NRG1: variants seen among roughly 807,000 people sequenced by gnomAD.
The protein encoded by NRG1 is neuregulin 1, also known as pro-neuregulin-1, membrane-bound isoform.
In NRG1, 18 loss-of-function variants were observed where a neutral mutation model predicts 63.8. The observed-to-expected ratio is 0.28, with a 90% CI of 0.19 to 0.42. The LOEUF (loss-of-function observed/expected upper bound fraction) is 0.42. Ranked by LOEUF, NRG1 falls within the 10% of genes least tolerant of loss-of-function variation. NRG1 has a pLI of 1.00. For missense variants in NRG1, 762 were observed against 814.7 expected (o/e 0.94, Z 0.79); for synonymous variants, 302 against 301.3 (o/e 1.00, Z -0.02).
In NRG1 at chr8:32,073,301, G is replaced by C. The variant is rs78431288; in HGVS notation, c.37+433870G>C. Among the ~76,000 whole-genome samples, 5 of 152,096 alleles carry C rather than the reference G, an allele frequency of 3.3e-5. No homozygotes were observed. The East Asian group carries it at 9.6e-4, about 29-fold the overall frequency. On this transcript the variant is annotated intron_variant, in intron 1 of 10. Transcript: ENST00000519301. Reference sequence around the variant, plus strand: ...ACAGAGCTTTATAGGATTTCATTTCGGGTTAATAAGGGGAAGTTGGAACCG... The same window carrying C: ...ACAGAGCTTTATAGGATTTCATTTCCGGTTAATAAGGGGAAGTTGGAACCG...
At chr8:32,575,641 T>C (rs905255109) in intron 1 of NRG1, among the ~76,000 whole-genome samples, 7 of 152,200 alleles carry the variant, frequency 4.6e-5, no homozygotes, top group African/African-American at 1.2e-4. Context: ...TTAATGCTCA[T>C]GGTTACCTAG....
chr8:32,322,600 A>G (rs1007003221), intron 1 of NRG1, among the ~76,000 whole-genome samples: 1 of 152,080 alleles, frequency 6.6e-6, no homozygotes, highest in Non-Finnish European at 1.5e-5. Flanking sequence ...TTGATCCCAC[A>G]TCTTCTCCAG....
At chr8:31,919,206 C>T (rs144998113) in intron 1 of NRG1, among the ~76,000 whole-genome samples, 397 of 151,852 alleles carry the variant, frequency 2.6e-3, no homozygotes, top group African/African-American at 8.9e-3. Context: ...TATTTCCTTC[C>T]GTTCTGCTCT....
chr8:32,723,798 G>A (rs1027480235), intron 5 of NRG1, among the ~76,000 whole-genome samples: 3 of 151,152 alleles, frequency 2.0e-5, no homozygotes, highest in Non-Finnish European at 3.0e-5. Flanking sequence ...AAAGAAGGGA[G>A]GGAGGGGCAG....
At chr8:32,492,616 A>T (rs1306550002) in intron 1 of NRG1, among the ~76,000 whole-genome samples, 1 of 152,118 alleles carries the variant, frequency 6.6e-6, no homozygotes, top group African/African-American at 2.4e-5. Flanking sequence ...TAAACTCTAA[A>T]ATATGAGGAT....
At chr8:32,635,501 A>G (rs1167636056) in intron 5 of NRG1, among the ~76,000 whole-genome samples, 1 of 151,812 alleles carries the variant, frequency 6.6e-6, no homozygotes, top group African/African-American at 2.4e-5. Flanking sequence ...CAGTCATGCC[A>G]TTTCATTTTG....
At chr8:32,340,607 C>G (rs1390605382) in intron 1 of NRG1, among the ~76,000 whole-genome samples, 1 of 152,210 alleles carries the variant, frequency 6.6e-6, no homozygotes, top group Non-Finnish European at 1.5e-5. Context: ...AAGCTCAACA[C>G]TTTGTATTCA....
intron 1 of NRG1, among the ~76,000 whole-genome samples, chr8:32,553,725 A>C (rs1311841358): frequency 2.0e-5 from 3 of 152,212 alleles, no homozygotes; most frequent in Admixed American, 6.5e-5. Flanking sequence ...TTGAAAAACA[A>C]AAGTGTGCAC....
intron 1 of NRG1, among the ~76,000 whole-genome samples, chr8:31,845,429 C>T (rs1826595632): frequency 6.6e-6 from 1 of 152,028 alleles, no homozygotes; most frequent in Non-Finnish European, 1.5e-5. Flanking sequence ...GTTATTATTA[C>T]AGTTCTTTTT....
intron 1 of NRG1, among the ~76,000 whole-genome samples, chr8:32,573,370 TA>T (rs11340993): frequency 0.54 from 82,603 of 152,056 alleles, 22,731 homozygotes; most frequent in East Asian, 0.83. Flanking sequence ...TGTGCTCCAA[TA>T]AAACTTTATT....
intron 1 of NRG1, among the ~76,000 whole-genome samples, chr8:31,952,066 G>A (rs1409917221): frequency 2.0e-5 from 3 of 152,052 alleles, no homozygotes; most frequent in Non-Finnish European, 2.9e-5. Context: ...TTGATATTGC[G>A]GTCTGCTGCT....
intron 1 of NRG1, among the ~76,000 whole-genome samples, chr8:32,501,990 A>C (rs1348626831): frequency 1.3e-5 from 2 of 152,142 alleles, no homozygotes; most frequent in African/African-American, 2.4e-5. Context: ...TTAATAAACC[A>C]AGAAAACTTG....
chr8:31,864,485 G>A (rs1828770568), intron 1 of NRG1, among the ~76,000 whole-genome samples: 1 of 152,174 alleles, frequency 6.6e-6, no homozygotes, highest in African/African-American at 2.4e-5. Context: ...CAGCAGAAGA[G>A]CACAAGGAGG....
intron 2 of NRG1, among the ~76,000 whole-genome samples, chr8:32,598,149 C>T (rs550380602): frequency 4.6e-5 from 7 of 151,748 alleles, no homozygotes; most frequent in African/African-American, 1.5e-4. Flanking sequence ...TGCCCAGGGG[C>T]GGGGGTCATA....
At chr8:32,261,968 G>T (rs1346491988) in intron 1 of NRG1, among the ~76,000 whole-genome samples, 1 of 152,114 alleles carries the variant, frequency 6.6e-6, no homozygotes, top group Non-Finnish European at 1.5e-5. Context: ...GTGAACCTGG[G>T]CTTTGGATCC....
At chr8:32,640,291 C>G (rs1852114851) in intron 5 of NRG1, among the ~76,000 whole-genome samples, 1 of 131,664 alleles carries the variant, frequency 7.6e-6, no homozygotes, top group Admixed American at 7.6e-5. Context: ...ACACACACCA[C>G]ACAGTAATTT....
At chr8:32,332,719 G>A (rs60071999) in intron 1 of NRG1, among the ~76,000 whole-genome samples, 14,520 of 152,106 alleles carry the variant, frequency 0.095, 964 homozygotes, top group Middle Eastern at 0.18. Context: ...AAGAAAAAAG[G>A]CTAGGATTCT....
At chr8:32,311,654 G>A (rs1026018890) in intron 1 of NRG1, among the ~76,000 whole-genome samples, 1 of 152,166 alleles carries the variant, frequency 6.6e-6, no homozygotes, top group Non-Finnish European at 1.5e-5. Context: ...TTCTAAGCAG[G>A]GAGTTGGAAG....
chr8:31,714,938 C>A (rs947899172), intron 1 of NRG1, among the ~76,000 whole-genome samples: 1 of 151,830 alleles, frequency 6.6e-6, no homozygotes, highest in African/African-American at 2.4e-5. Context: ...CTCTAAATAC[C>A]CGCTGTGTCC....
Sources: gnomAD v4.1 joint callset for allele counts (sites outside exome capture counted in the v4.1 genomes callset) on GRCh38, gnomAD v4.1.1 for gene constraint, MANE v1.5 for transcripts, NCBI Gene and HGNC (gene_info 2026-07-23, HGNC 2026-07-21) for gene names.